STEAP1B: variants seen among roughly 807,000 people sequenced by gnomAD.
The protein encoded by STEAP1B is STEAP family protein MGC87042.
Under a neutral mutation model 27.9 loss-of-function variants are expected in STEAP1B, and 13 were observed. The observed-to-expected ratio is 0.47, with a 90% confidence interval of 0.30 to 0.74. STEAP1B has a LOEUF of 0.74. Among genes scored for constraint, STEAP1B ranks in the 30% least tolerant of loss-of-function variants. The pLI is 0.06. For synonymous variants in STEAP1B, 86 were observed against 107.1 expected (o/e 0.80, Z 1.22); for missense variants, 250 against 298.7 (o/e 0.84, Z 1.20).
intron 4 of STEAP1B, among the ~76,000 whole-genome samples, chr7:22,423,447 C>G (rs772487563): frequency 6.6e-6 from 1 of 152,180 alleles, no homozygotes; most frequent in Non-Finnish European, 1.5e-5. Context: ...AAATGGCATA[C>G]TGATACATGC....
At chr7:22,440,075 T>C (rs1785309304) in intron 4 of STEAP1B, among the ~76,000 whole-genome samples, 2 of 152,220 alleles carry the variant, frequency 1.3e-5, no homozygotes, top group Admixed American at 6.5e-5. Context: ...AATATTTTGA[T>C]AAATTATTCA....
At chr7:22,443,563 C>T (rs867239249) in intron 4 of STEAP1B, among the ~76,000 whole-genome samples, 2 of 152,210 alleles carry the variant, frequency 1.3e-5, no homozygotes, top group South Asian at 2.1e-4. Context: ...TGAGAAAACA[C>T]ACAAAATGAT....
intron 4 of STEAP1B, among the ~76,000 whole-genome samples, chr7:22,476,855 AGG>A (rs1243251516): frequency 1.3e-5 from 2 of 152,140 alleles, no homozygotes; most frequent in African/African-American, 4.8e-5. Context: ...CTGACTAAGG[AGG>A]AATCCGTTTC....
At chr7:22,499,434 C>T (rs1307126216) in intron 1 of STEAP1B, among the ~76,000 whole-genome samples, 1 of 151,840 alleles carries the variant, frequency 6.6e-6, no homozygotes, top group Non-Finnish European at 1.5e-5. Context: ...TCCCTCTGTG[C>T]TTAACATTCA....
rs73286143 is a variant in STEAP1B at position 22,435,282 on chromosome 7, G to T, written c.763-15446C>A. The stretch of plus-strand genomic sequence containing the variant: ...GAAAACGAGCCTGTTAGACACAGCA[G>T]GAAAGGAGGTGGAAAGTGTAACCAT... On this transcript the variant is annotated intron_variant, in intron 4 of 4. Coordinates refer to ENST00000678116, the MANE Select transcript of STEAP1B (RefSeq NM_001382447.1). Among the ~76,000 whole-genome samples, 272 of 152,112 alleles carry T rather than the reference G, an allele frequency of 1.8e-3. 2 individuals are homozygous for T. Among genetic ancestry groups the T allele is most frequent in the African/African-American group, 6.2e-3 (257 of 41,526 alleles).
At chr7:22,433,803 G>A (rs1033348130) in intron 4 of STEAP1B, among the ~76,000 whole-genome samples, 3 of 152,216 alleles carry the variant, frequency 2.0e-5, no homozygotes, top group Non-Finnish European at 4.4e-5. Flanking sequence ...CAACTGAGAT[G>A]AATTAAAGAA....
At chr7:22,441,742 A>G (rs1024578969) in intron 4 of STEAP1B, among the ~76,000 whole-genome samples, 5 of 152,322 alleles carry the variant, frequency 3.3e-5, no homozygotes, top group African/African-American at 1.2e-4. Context: ...TCTACAATGT[A>G]TAACCAAATG....
At chr7:22,467,714 C>T (rs1387603301) in intron 4 of STEAP1B, among the ~76,000 whole-genome samples, 1 of 152,156 alleles carries the variant, frequency 6.6e-6, no homozygotes, top group East Asian at 1.9e-4. Flanking sequence ...TTACCTTCCG[C>T]CATGATTGTG....
At chr7:22,454,867 T>TA (rs61022376) in intron 4 of STEAP1B, among the ~76,000 whole-genome samples, 1,356 of 69,774 alleles carry the variant, frequency 0.019, 7 homozygotes, top group Middle Eastern at 0.048. Flanking sequence ...ATATATATAT[T>TA]TTTTTTTTTT....
intron 4 of STEAP1B, among the ~76,000 whole-genome samples, chr7:22,473,725 G>C (rs1328449754): frequency 6.6e-6 from 1 of 152,202 alleles, no homozygotes; most frequent in African/African-American, 2.4e-5. Context: ...TGATTGTGAA[G>C]TTAGGGCTGG....
rs565282948 is a variant in STEAP1B at position 22,419,626 on chromosome 7, G to T, written c.*178C>A. 5.4e-6 allele frequency: 3 copies of T among 554,806 alleles called. No individual in the cohort carries two copies. Among genetic ancestry groups the T allele is most frequent in the Non-Finnish European group, 9.1e-6 (3 of 329,810 alleles). The allele number at this position is 554,806 out of a possible 1,614,324, so 34.4% of individuals were successfully genotyped here. A position where few individuals can be genotyped will look rare whatever the true frequency, so the allele number is the denominator to read the frequency against. ...TTTTTGTTTGCTCTCTCATGAGTCC[G>T]CTGGGGGATCCACTCATCTGCCCTG... On this transcript the variant is annotated 3_prime_UTR_variant, in exon 5 of 5. Coordinates refer to ENST00000678116, the MANE Select transcript of STEAP1B (RefSeq NM_001382447.1).
At chr7:22,438,047 T>C (rs906849846) in intron 4 of STEAP1B, among the ~76,000 whole-genome samples, 1 of 152,230 alleles carries the variant, frequency 6.6e-6, no homozygotes, top group Non-Finnish European at 1.5e-5. Flanking sequence ...CTTTCTTCCA[T>C]TCCATAGGTT....
chr7:22,428,944 G>T (rs1261194557), intron 4 of STEAP1B, among the ~76,000 whole-genome samples: 2 of 152,164 alleles, frequency 1.3e-5, no homozygotes, highest in African/African-American at 2.4e-5. Flanking sequence ...ACATATATAA[G>T]GTGTTCAAGC....
At chr7:22,465,325 C>T (rs566704764) in intron 4 of STEAP1B, among the ~76,000 whole-genome samples, 8 of 152,202 alleles carry the variant, frequency 5.3e-5, no homozygotes, top group African/African-American at 1.7e-4. Context: ...ATAAGCGAAA[C>T]CACAGAAAGC....
rs536662133 is a variant in STEAP1B at position 22,466,400 on chromosome 7, G to A, written c.762+26165C>T. Among the ~76,000 whole-genome samples the A allele has an allele frequency of 5.8e-4, 71 of 122,874 alleles. 1 individual carries two copies. The highest frequency in any genetic ancestry group is 2.2e-3 in the African/African-American group (67 of 30,694). 80.6% of individuals were successfully genotyped at this position (122,874 alleles called of 152,430 possible). ...ACCCTCCACCCTCAAGTAGGCCACA[G>A]TATCTACTGTTTTCTTTGTGTCCAT... On this transcript the variant is annotated intron_variant, in intron 4 of 4. Coordinates refer to ENST00000678116, the MANE Select transcript of STEAP1B (RefSeq NM_001382447.1).
chr7:22,456,972 A>ATATATATATATTT, intron 4 of STEAP1B, among the ~76,000 whole-genome samples: 12 of 57,046 alleles, frequency 2.1e-4, no homozygotes, highest in Admixed American at 1.2e-3. Flanking sequence ...ATATATATAT[A>ATATATATATATTT]TTTTTTTTTT....
intron 4 of STEAP1B, among the ~76,000 whole-genome samples, chr7:22,477,079 C>T (rs190271188): frequency 4.6e-5 from 7 of 152,318 alleles, no homozygotes; most frequent in South Asian, 2.1e-4. Context: ...AGTGACGTCA[C>T]GCACCTTCCC....
intron 4 of STEAP1B, among the ~76,000 whole-genome samples, chr7:22,469,264 G>A (rs1413364751): frequency 6.6e-6 from 1 of 152,134 alleles, no homozygotes; most frequent in Non-Finnish European, 1.5e-5. Context: ...AAAAAAGCTT[G>A]TAAAATAGGG....
At chr7:22,479,095 C>G (rs958770392) in intron 4 of STEAP1B, among the ~76,000 whole-genome samples, 2 of 152,164 alleles carry the variant, frequency 1.3e-5, no homozygotes, top group Non-Finnish European at 2.9e-5. Flanking sequence ...AATTTGATTT[C>G]AAGAAAATAA....
Sources: gnomAD v4.1 joint callset for allele counts (sites outside exome capture counted in the v4.1 genomes callset) on GRCh38, gnomAD v4.1.1 for gene constraint, MANE v1.5 for transcripts, NCBI Gene and HGNC (gene_info 2026-07-23, HGNC 2026-07-21) for gene names.